Variants in EPG5 observed in about 807,000 individuals in gnomAD.
The protein encoded by EPG5 is ectopic P granules protein 5 homolog.
EPG5 carries 159 observed loss-of-function variants against 302.7 expected under a neutral mutation model. The observed-to-expected ratio is 0.53, with a 90% CI of 0.46 to 0.60. The LOEUF (loss-of-function observed/expected upper bound fraction) is 0.60, where lower values mean the gene tolerates loss of function less well. Among genes scored for constraint, EPG5 ranks in the 20% least tolerant of loss-of-function variants. EPG5 has a pLI of 0.00. For synonymous variants in EPG5, 1,158 were observed against 1,136.8 expected (o/e 1.02, Z -0.37); for missense variants, 2,896 against 3,092.4 (o/e 0.94, Z 1.51).
chr18:45,858,205 A>G lies in EPG5; in HGVS notation c.7227-137T>C, dbSNP rs544614953. On this transcript the variant is annotated intron_variant, in intron 41 of 43. Coordinates refer to ENST00000282041, the MANE Select transcript of EPG5 (RefSeq NM_020964.3). Reference sequence around the variant, plus strand: ...GCACAGGCTAACGGCTGATGTTAATAGAGCCATGGGATTGTAACCACCGCC... The same window carrying G: ...GCACAGGCTAACGGCTGATGTTAATGGAGCCATGGGATTGTAACCACCGCC... 4.5e-6 allele frequency: 3 copies of G among 664,402 alleles called. No homozygotes were observed. The Admixed American group carries it at 8.0e-5, about 18-fold the overall frequency. 41.2% of individuals were successfully genotyped at this position (664,402 alleles called of 1,614,324 possible).
At chr18:45,831,832 G>A in the EPG5 span, among the ~76,000 whole-genome samples, 5 of 151,648 alleles carry the variant, frequency 3.3e-5, no homozygotes, top group African/African-American at 7.3e-5. Context: ...CCGCCTCCCG[G>A]GTTCAAGCGG....
intron 41 of EPG5, 91 bp from the exon 42 acceptor site, chr18:45,858,159 G>A (rs545056815): frequency 1.1e-6 from 1 of 930,174 alleles, no homozygotes; most frequent in East Asian, 2.6e-5. Flanking sequence ...TGAAGGATAG[G>A]AGACATTCAG....
intron 16 of EPG5, 64 bp from the exon 17 acceptor site, chr18:45,917,883 A>G (rs868636006): frequency 6.3e-7 from 1 of 1,590,124 alleles, no homozygotes; most frequent in East Asian, 2.2e-5. Flanking sequence ...CTGTTCTTCC[A>G]ATGAGTTATG....
chr18:45,910,448 A>G, intron 23 of EPG5, 73 bp downstream of exon 23: 1 of 1,145,016 alleles, frequency 8.7e-7, no homozygotes, highest in Admixed American at 2.3e-5. Flanking sequence ...AGCAGTTTGT[A>G]ACACAGTTAA....
chr18:45,955,362 A>T (rs2051004154), intron 1 of EPG5, 24 bp from the exon 2 acceptor site: 1 of 1,435,004 alleles, frequency 7.0e-7, no homozygotes, highest in Admixed American at 2.5e-5. Context: ...ACATAATGTG[A>T]AATAATTTAT....
At position 45,943,997 on chromosome 18, in the gene EPG5, G is replaced by A; in HGVS notation, c.1792+8C>T. 6.4e-7 allele frequency: 1 copy of A among 1,557,762 alleles called. No homozygotes were observed. The highest frequency in any genetic ancestry group is 8.9e-7 in the Non-Finnish European group (1 of 1,128,658). ...ACCACATTTTACACTTAAGAGAAAT[G>A]AGTCTACCTTTTGCTTTAAACCCAA... On this transcript the variant is annotated splice_region_variant and intron_variant, in intron 8 of 43. Coordinates refer to ENST00000282041, the MANE Select transcript of EPG5 (RefSeq NM_020964.3).
intron 41 of EPG5, 140 bp downstream of exon 41, chr18:45,858,426 C>CA: frequency 1.5e-6 from 1 of 677,732 alleles, no homozygotes; most frequent in Non-Finnish European, 2.5e-6. Flanking sequence ...AGAATCTTTC[C>CA]AAAACAACTG....
At position 45,955,169 on chromosome 18, in the gene EPG5, C is replaced by T; in HGVS notation, c.233G>A (p.Ser78Asn). Residue 78 changes from serine to asparagine, a missense_variant, in exon 2 of 44, where the codon AGT (serine) becomes AAT (asparagine). Ser to Asn is a conservative substitution (Grantham distance 46). Coordinates refer to ENST00000282041, the MANE Select transcript of EPG5 (RefSeq NM_020964.3). The stretch of plus-strand genomic sequence containing the variant: ...GGTGAGTGGTACATCAAACATTTCA[C>T]TCTCATTTTGTCCACTGGCATCATC... ...LQDDASGQNE[S>N]EMFDVPLTSL... 6.2e-7 allele frequency: 1 copy of T among 1,614,114 alleles called. No individual in the cohort carries two copies. The highest frequency in any genetic ancestry group is 8.5e-7 in the Non-Finnish European group (1 of 1,180,026).
At chr18:45,834,553 C>T in the EPG5 span, among the ~76,000 whole-genome samples, 1 of 152,190 alleles carries the variant, frequency 6.6e-6, no homozygotes, top group Non-Finnish European at 1.5e-5. Flanking sequence ...TGGCCAGAAG[C>T]CATATTCAGA....
chr18:45,899,345 A>T, intron 27 of EPG5, 59 bp downstream of exon 27: 1 of 1,588,608 alleles, frequency 6.3e-7, no homozygotes, highest in South Asian at 1.1e-5. Context: ...CTCATTGATA[A>T]GCCAACATTA....
At chr18:45,916,250 C>T (rs2050029930) in intron 18 of EPG5, 44 bp from the exon 19 acceptor site, 2 of 1,565,270 alleles carry the variant, frequency 1.3e-6, no homozygotes, top group Non-Finnish European at 1.7e-6. Flanking sequence ...AACAACCAGC[C>T]TCTCATTTTT....
rs1451009011 is a variant in EPG5, at chr18:45,915,639, G to A, written c.3583-18C>T. On this transcript the variant is annotated intron_variant, in intron 19 of 43. Coordinates refer to ENST00000282041, the MANE Select transcript of EPG5 (RefSeq NM_020964.3). ...AAGGCATTCTACACCGGGAGATGTG[G>A]AGCAGAGAGAGGAGGTTTTAAGGAA... 4 of 1,588,342 alleles carry A rather than the reference G, an allele frequency of 2.5e-6. No individual in the cohort carries two copies. The highest frequency in any genetic ancestry group is 3.5e-6 in the Non-Finnish European group (4 of 1,157,194).
intron 34 of EPG5, 122 bp downstream of exon 34, chr18:45,878,254 A>G (rs1599473486): frequency 7.7e-6 from 5 of 652,694 alleles, no homozygotes; most frequent in African/African-American, 1.9e-5. Flanking sequence ...GCCTTTTCTA[A>G]ATTTAAATAT....
the EPG5 span, among the ~76,000 whole-genome samples, chr18:45,812,117 C>T: frequency 6.6e-6 from 1 of 152,090 alleles, no homozygotes; most frequent in African/African-American, 2.4e-5. Flanking sequence ...TTCTTATACA[C>T]CAATAACAGA....
the EPG5 span, among the ~76,000 whole-genome samples, chr18:45,834,529 G>C: frequency 6.6e-6 from 1 of 152,234 alleles, no homozygotes; most frequent in African/African-American, 2.4e-5. Context: ...AAGAGGAGGA[G>C]CTGGTGAGTG....
intron 4 of EPG5, among the ~76,000 whole-genome samples, chr18:45,949,811 T>C (rs1329145493): frequency 6.6e-6 from 1 of 152,264 alleles, no homozygotes; most frequent in Non-Finnish European, 1.5e-5. Context: ...TCTAGCTTTT[T>C]CTTCTTTGGC....
chr18:45,811,442 T>G, the EPG5 span, among the ~76,000 whole-genome samples: 1 of 152,158 alleles, frequency 6.6e-6, no homozygotes, highest in Non-Finnish European at 1.5e-5. Context: ...TGCCAAAGCC[T>G]GACAGAGACA....
chr18:45,924,292 T>G (rs2050221297), intron 14 of EPG5, among the ~76,000 whole-genome samples: 1 of 152,216 alleles, frequency 6.6e-6, no homozygotes, highest in Non-Finnish European at 1.5e-5. Context: ...GAGGAGAGCC[T>G]AGGTGATTCT....
the EPG5 span, among the ~76,000 whole-genome samples, chr18:45,840,574 C>T: frequency 2.0e-5 from 3 of 152,354 alleles, no homozygotes; most frequent in Admixed American, 2.0e-4. Context: ...TGGCACTCTG[C>T]TGAAGGCTTT....
Sources: allele counts gnomAD v4.1 joint callset (sites outside exome capture counted in the v4.1 genomes callset), GRCh38; gene constraint gnomAD v4.1.1; transcripts MANE v1.5; gene names NCBI Gene and HGNC (gene_info 2026-07-23, HGNC 2026-07-21).